Variants in KCNH1 observed in about 807,000 individuals in gnomAD.
KCNH1 encodes the protein potassium voltage-gated channel subfamily H member 1, also known as voltage-gated delayed rectifier potassium channel KCNH1.
A neutral mutation model predicts 69.2 loss-of-function variants in KCNH1; 27 were observed. The observed-to-expected ratio is 0.39, with a 90% CI of 0.29 to 0.54. The LOEUF is 0.54. Ranked by LOEUF, KCNH1 falls within the 20% of genes least tolerant of loss-of-function variation. The pLI, the probability that KCNH1 is intolerant of heterozygous loss-of-function variation, is 0.68. For synonymous variants in KCNH1, 456 were observed against 487.7 expected (o/e 0.93, Z 0.86); for missense variants, 798 against 1,261.6 (o/e 0.63, Z 5.57).
At chr1:211,100,954 T>C (rs1691246766) in intron 3 of KCNH1, among the ~76,000 whole-genome samples, 1 of 152,240 alleles carries the variant, frequency 6.6e-6, no homozygotes, top group Admixed American at 6.5e-5. Context: ...CATTGGTTTG[T>C]GTCTCTTGAA....
intron 5 of KCNH1, among the ~76,000 whole-genome samples, chr1:211,032,120 G>A (rs890864220): frequency 6.6e-6 from 1 of 152,062 alleles, no homozygotes; most frequent in Admixed American, 6.6e-5. Flanking sequence ...ACCAATAACA[G>A]ACAAACAGAG....
At chr1:210,691,761 G>A (rs948998095) in intron 10 of KCNH1, among the ~76,000 whole-genome samples, 5 of 152,172 alleles carry the variant, frequency 3.3e-5, no homozygotes, top group Non-Finnish European at 4.4e-5. Flanking sequence ...AGATGCATTC[G>A]GCTGTGTGGT....
chr1:210,797,639 A>G lies in KCNH1; in HGVS notation c.1784T>C (p.Met595Thr), dbSNP rs1054884214. 3.1e-6 allele frequency: 5 copies of G among 1,614,238 alleles called. No individual in the cohort carries two copies. Among genetic ancestry groups the G allele is most frequent in the Non-Finnish European group, 4.2e-6 (5 of 1,180,038 alleles). ...GGCACAGTGCACCGTCTGGAACTCC[A>G]TGGCCAGTGCCCGGAGGCAGCCATC... ...ASDGCLRALA[M>T]EFQTVHCAPG... The change falls in exon 9 of 11, where the codon ATG becomes ACG. Residue 595 changes from methionine to threonine, a missense_variant. By Grantham distance (81) the Met-to-Thr change is moderately conservative. This residue lies in a region of KCNH1 where 197 missense variants were observed against 407.7 expected (regional missense o/e 0.48). Transcript: ENST00000271751.
intron 7 of KCNH1, among the ~76,000 whole-genome samples, chr1:210,854,229 A>G (rs750826718): frequency 3.9e-5 from 6 of 152,192 alleles, no homozygotes; most frequent in Non-Finnish European, 7.3e-5. Context: ...ATCTCAATAT[A>G]TTATCAAGTC....
At chr1:210,829,681 GTACT>G (rs1685117253) in intron 7 of KCNH1, among the ~76,000 whole-genome samples, 1 of 152,112 alleles carries the variant, frequency 6.6e-6, no homozygotes, top group Non-Finnish European at 1.5e-5. Flanking sequence ...CCAAATAACT[GTACT>G]GCTAACTACA....
At chr1:210,806,822 A>ATATATATATATATATATAT (rs1553346543) in intron 7 of KCNH1, among the ~76,000 whole-genome samples, 25 of 42,086 alleles carry the variant, frequency 5.9e-4, no homozygotes, top group South Asian at 4.3e-3. Flanking sequence ...AAAAAAAAAA[A>ATATATATATATATATATAT]AAAAAAAAAA....
chr1:210,788,213 C>T (rs1372419171), intron 9 of KCNH1, among the ~76,000 whole-genome samples: 1 of 152,100 alleles, frequency 6.6e-6, no homozygotes, highest in Non-Finnish European at 1.5e-5. Context: ...ATAAAAATTA[C>T]AAATAAGTCT....
intron 5 of KCNH1, among the ~76,000 whole-genome samples, chr1:211,035,935 G>C (rs568126217): frequency 3.0e-4 from 46 of 152,306 alleles, no homozygotes; most frequent in African/African-American, 1.1e-3. Context: ...AATGGATTCA[G>C]ACTAGAAAGA....
chr1:210,930,849 T>C (rs150618684), intron 6 of KCNH1, among the ~76,000 whole-genome samples: 325 of 151,414 alleles, frequency 2.1e-3, no homozygotes, highest in African/African-American at 7.5e-3. Context: ...AAACAAACAA[T>C]CCCATCAAAA....
At chr1:210,917,225 G>GAAAGAAAGAAAGAA (rs771690002) in intron 7 of KCNH1, among the ~76,000 whole-genome samples, 95 of 80,652 alleles carry the variant, frequency 1.2e-3, no homozygotes, top group Admixed American at 2.8e-3. Context: ...GAGAGAGAGA[G>GAAAGAAAGAAAGAA]AGAGAGAAAG....
At chr1:210,956,014 A>G (rs541257062) in intron 6 of KCNH1, among the ~76,000 whole-genome samples, 1 of 152,298 alleles carries the variant, frequency 6.6e-6, no homozygotes, top group African/African-American at 2.4e-5. Flanking sequence ...GTTTTTGCCC[A>G]TTCAGTATGA....
intron 7 of KCNH1, among the ~76,000 whole-genome samples, chr1:210,913,379 C>G (rs956317505): frequency 2.7e-5 from 4 of 150,442 alleles, no homozygotes; most frequent in Non-Finnish European, 5.9e-5. Context: ...TTTCTAATTA[C>G]AGAAAAGAAA....
chr1:210,890,037 A>G (rs1558513086), intron 7 of KCNH1, among the ~76,000 whole-genome samples: 1 of 152,202 alleles, frequency 6.6e-6, no homozygotes, highest in South Asian at 2.1e-4. Flanking sequence ...GAATTAGAAA[A>G]AACTACTTTA....
At chr1:210,950,190 G>A (rs1044620794) in intron 6 of KCNH1, among the ~76,000 whole-genome samples, 2 of 151,806 alleles carry the variant, frequency 1.3e-5, no homozygotes, top group East Asian at 3.9e-4. Context: ...GACAGCTGCT[G>A]TCACTTCACT....
intron 7 of KCNH1, among the ~76,000 whole-genome samples, chr1:210,849,365 CTTTT>C (rs150451228): frequency 5.5e-5 from 7 of 128,036 alleles, no homozygotes; most frequent in African/African-American, 1.8e-4. Context: ...TTCTTTCTTT[CTTTT>C]TTTTTTTTTT....
intron 7 of KCNH1, among the ~76,000 whole-genome samples, chr1:210,901,594 G>A (rs1207631082): frequency 6.6e-6 from 1 of 152,184 alleles, no homozygotes; most frequent in African/African-American, 2.4e-5. Flanking sequence ...AAGACACCAA[G>A]GGTCTTGTGG....
At chr1:211,029,254 G>T (rs1411470567) in intron 5 of KCNH1, among the ~76,000 whole-genome samples, 1 of 134,172 alleles carries the variant, frequency 7.5e-6, no homozygotes, top group African/African-American at 2.8e-5. Context: ...GATCACTTGA[G>T]CCCAGGAGTT....
chr1:210,773,403 C>T (rs1683789867), intron 10 of KCNH1, among the ~76,000 whole-genome samples: 1 of 152,160 alleles, frequency 6.6e-6, no homozygotes, highest in African/African-American at 2.4e-5. Flanking sequence ...TTCTAGGCAC[C>T]CCACACTTGT....
Position 211,134,065 on chromosome 1 carries a change from C to A in KCNH1, c.-120G>T, listed in dbSNP as rs114497734. On this transcript the variant is annotated 5_prime_UTR_variant, in exon 1 of 11. Coordinates refer to ENST00000271751, the MANE Select transcript of KCNH1 (RefSeq NM_172362.3). The surrounding 1 kb of genome is among the most constrained non-coding windows in gnomAD (Gnocchi z 5.7). ...AGCGCCCCATGCGCCCGGCGGGGAT[C>A]CGCAGGCAGGGCTGGCGGCTCCCTC... 8.3e-3 allele frequency: 6,810 copies of A among 822,222 alleles called. 359 individuals carry two copies. In the African/African-American group the frequency reaches 0.11, roughly 13 times the overall value. The allele number at this position is 822,222 out of a possible 1,614,324, so 50.9% of individuals were successfully genotyped here.
Sources: gnomAD v4.1 joint callset for allele counts (sites outside exome capture counted in the v4.1 genomes callset) on GRCh38, gnomAD v4.1.1 for gene constraint, gnomAD v4.1.1 regional missense constraint, Gnocchi (gnomAD v3.1) non-coding constraint, MANE v1.5 for transcripts, NCBI Gene and HGNC (gene_info 2026-07-23, HGNC 2026-07-21) for gene names.